HMCN1: variants seen among roughly 807,000 people sequenced by gnomAD.
HMCN1 encodes the protein hemicentin-1.
Under a neutral mutation model 625.9 loss-of-function variants are expected in HMCN1, and 321 were observed. The observed-to-expected ratio is 0.51, with a 90% CI of 0.47 to 0.56. The LOEUF is 0.56. Among genes scored for constraint, HMCN1 ranks in the 20% least tolerant of loss-of-function variants. The pLI is 0.00. For synonymous variants in HMCN1, 2,425 were observed against 2,417.6 expected (o/e 1.00, Z -0.09); for missense variants, 6,588 against 6,887.3 (o/e 0.96, Z 1.54).
In HMCN1 at chr1:186,167,047, C is replaced by T. The variant is rs1651925903; in HGVS notation, c.15574+105C>T. 4.2e-6 allele frequency: 6 copies of T among 1,418,554 alleles called. No individual in the cohort carries two copies. In the South Asian group the frequency reaches 7.0e-5, roughly 17 times the overall value. The allele number at this position is 1,418,554 out of a possible 1,614,324, so 87.9% of individuals were successfully genotyped here. ...TCTCAGAAACTCCACGAGGAAGGGA[C>T]CACATAAAAGGGAGAGAATGAGGAG... is the stretch of plus-strand genomic sequence containing the variant. On this transcript the variant is annotated intron_variant, in intron 100 of 106. Transcript: ENST00000271588.
chr1:186,059,489 G>T (rs1486546832), intron 46 of HMCN1, among the ~76,000 whole-genome samples: 1 of 151,988 alleles, frequency 6.6e-6, no homozygotes, highest in East Asian at 1.9e-4. Context: ...TGTTGTGCTT[G>T]ACTAGCAGCT....
chr1:185,820,819 G>A (rs78904263), intron 1 of HMCN1, among the ~76,000 whole-genome samples: 4,924 of 152,006 alleles, frequency 0.032, 238 homozygotes, highest in African/African-American at 0.11. Flanking sequence ...TCTGCAAAGC[G>A]CTTGCCATAA....
intron 2 of HMCN1, among the ~76,000 whole-genome samples, chr1:185,853,107 T>G (rs1454373953): frequency 6.6e-6 from 1 of 152,122 alleles, no homozygotes; most frequent in Admixed American, 6.6e-5. Context: ...AGTTAACATA[T>G]TTATTTATAT....
At chr1:186,037,749 T>A (rs553040447) in intron 36 of HMCN1, among the ~76,000 whole-genome samples, 185 bp from the exon 37 acceptor site, 4 of 152,196 alleles carry the variant, frequency 2.6e-5, no homozygotes, top group Non-Finnish European at 4.4e-5. Context: ...TCCAGAAAAC[T>A]TATTTACATT....
At chr1:186,013,701 AAAAT>A (rs1160573372) in intron 30 of HMCN1, among the ~76,000 whole-genome samples, 1 of 152,168 alleles carries the variant, frequency 6.6e-6, no homozygotes, top group Non-Finnish European at 1.5e-5. Flanking sequence ...AAAACAAAAC[AAAAT>A]AAAATAATAA....
intron 36 of HMCN1, among the ~76,000 whole-genome samples, chr1:186,026,130 A>G (rs946028221): frequency 6.6e-6 from 1 of 152,208 alleles, no homozygotes; most frequent in Non-Finnish European, 1.5e-5. Flanking sequence ...AAGTCTCCAA[A>G]CCTGACTCTG....
At position 185,847,699 on chromosome 1, in the gene HMCN1, C is replaced by T. The variant is rs1156408557; in HGVS notation, c.339+1603C>T. On this transcript the variant is annotated intron_variant, in intron 2 of 106. Coordinates refer to ENST00000271588, the MANE Select transcript of HMCN1 (RefSeq NM_031935.3). ...GCACAGTAGCTCACGCCTGTAATCCCAGTGCTGCTTTGGGAGGCAAAGGCA... is the reference window on the plus strand; with the variant it reads ...GCACAGTAGCTCACGCCTGTAATCCTAGTGCTGCTTTGGGAGGCAAAGGCA... Among the ~76,000 whole-genome samples, 3 of 152,094 alleles carry T rather than the reference C, an allele frequency of 2.0e-5. No individual in the cohort carries two copies. The East Asian group carries it at 5.8e-4, about 29-fold the overall frequency.
At chr1:186,007,413 G>A (rs952387684) in intron 30 of HMCN1, 131 bp downstream of exon 30, 1 of 796,144 alleles carries the variant, frequency 1.3e-6, no homozygotes, top group Non-Finnish European at 2.0e-6. Flanking sequence ...AGAAGAAGGA[G>A]CTTATCTTCA....
At chr1:186,038,805 C>T (rs760360984) in intron 37 of HMCN1, 24 bp from the exon 38 acceptor site, 1 of 1,507,596 alleles carries the variant, frequency 6.6e-7, no homozygotes, top group South Asian at 1.1e-5. Context: ...TTACATAGAT[C>T]ATCTTCTCCC....
At position 186,019,622 on chromosome 1, in the gene HMCN1, A is replaced by G. The variant is rs747967425; in HGVS notation, c.5552A>G (p.Asn1851Ser). ...YKPVALQCIA[N>S]GIPNPSITWL... Reference sequence around the variant, plus strand: ...CCTGTCGCCTTGCAGTGCATAGCCAATGGGATTCCAAATCCTTCCATTACA... The same window carrying G: ...CCTGTCGCCTTGCAGTGCATAGCCAGTGGGATTCCAAATCCTTCCATTACA... The change falls in exon 35 of 107, where the codon AAT becomes AGT. Residue 1851 changes from asparagine to serine, a missense_variant. Asn to Ser is a conservative substitution (Grantham distance 46). Coordinates refer to ENST00000271588, the MANE Select transcript of HMCN1 (RefSeq NM_031935.3). The G allele has an allele frequency of 3.7e-5, 59 of 1,611,436 alleles. No individual in the cohort carries two copies. The highest frequency in any genetic ancestry group is 6.7e-5 in the East Asian group (3 of 44,828).
At chr1:185,778,644 T>C (rs369067437) in intron 1 of HMCN1, among the ~76,000 whole-genome samples, 2 of 152,036 alleles carry the variant, frequency 1.3e-5, no homozygotes, top group South Asian at 2.1e-4. Flanking sequence ...TGGTTTCCAG[T>C]TTCATCCATG....
intron 103 of HMCN1, among the ~76,000 whole-genome samples, chr1:186,176,136 T>A (rs1652559500): frequency 6.6e-6 from 1 of 152,160 alleles, no homozygotes; most frequent in Admixed American, 6.6e-5. Context: ...TGTGTTGACC[T>A]AACAATAGAA....
chr1:185,756,441 G>A (rs1474426614), intron 1 of HMCN1, among the ~76,000 whole-genome samples: 1 of 150,210 alleles, frequency 6.7e-6, no homozygotes, highest in Non-Finnish European at 1.5e-5. Context: ...GGGATCTTGG[G>A]CAACTTGATA....
Position 186,041,083 on chromosome 1 carries a change from T to A in HMCN1, c.6251T>A (p.Val2084Glu), listed in dbSNP as rs750533990. 1.2e-6 allele frequency: 2 copies of A among 1,613,014 alleles called. No homozygotes were observed. The highest frequency in any genetic ancestry group is 1.7e-5 in the Admixed American group (1 of 59,970). The change falls in exon 40 of 107, where the codon GTG becomes GAG. Residue 2084 changes from valine to glutamate, a missense_variant. Around this residue, in one of 3 missense-constraint regions of HMCN1, gnomAD observed 4,628 missense variants for 4,853.1 expected, o/e 0.95. Transcript: ENST00000271588. ...AGCGACACAGGAAGGTACACCTGCG[T>A]GGCAGTGAATGCTGCTGGAGAAAAG... ...QISDTGRYTC[V>E]AVNAAGEKQR...
chr1:185,783,296 G>T (rs575783343), intron 1 of HMCN1, among the ~76,000 whole-genome samples: 1 of 152,052 alleles, frequency 6.6e-6, no homozygotes, highest in Non-Finnish European at 1.5e-5. Context: ...TTCAAAGTTC[G>T]TCCTTTAGCT....
chr1:185,745,733 C>G (rs1316573373), intron 1 of HMCN1, among the ~76,000 whole-genome samples: 1 of 151,958 alleles, frequency 6.6e-6, no homozygotes, highest in Non-Finnish European at 1.5e-5. Context: ...GGTGGCCTGT[C>G]TGTCTCCAGG....
In HMCN1 at chr1:186,137,515, C is replaced by T; in HGVS notation, c.13600C>T (p.Gln4534Ter). ...ATTTGCAGTTCATGGTGGATTTTCC[C>T]AGTGGTCTGCATGGAGAGCCTGCAG... ...VIVQVHGGFS[Q>*]WSAWRACSVT... The change falls in exon 88 of 107, where the codon CAG (glutamine) becomes TAG (stop). Residue 4534 changes from glutamine to a stop codon, truncating the protein, a stop_gained. Coordinates refer to ENST00000271588, the MANE Select transcript of HMCN1 (RefSeq NM_031935.3). LOFTEE classifies it high-confidence loss of function. The T allele has an allele frequency of 1.9e-6, 3 of 1,613,560 alleles. No homozygotes were observed. Among genetic ancestry groups the T allele is most frequent in the Non-Finnish European group, 2.5e-6 (3 of 1,179,832 alleles).
At chr1:186,138,532 A>G (rs530284705) in intron 89 of HMCN1, among the ~76,000 whole-genome samples, 4 of 152,316 alleles carry the variant, frequency 2.6e-5, no homozygotes, top group African/African-American at 9.6e-5. Flanking sequence ...ATTGAATCCA[A>G]GGATTTGGAC....
chr1:185,973,804 A>T (rs1186185394), intron 15 of HMCN1, among the ~76,000 whole-genome samples: 1 of 152,110 alleles, frequency 6.6e-6, no homozygotes, highest in South Asian at 2.1e-4. Context: ...TCAAACAAAA[A>T]GTTGGCTTGG....
Sources: gnomAD v4.1 joint callset for allele counts (sites outside exome capture counted in the v4.1 genomes callset) on GRCh38, gnomAD v4.1.1 for gene constraint, gnomAD v4.1.1 regional missense constraint, MANE v1.5 for transcripts, NCBI Gene and HGNC (gene_info 2026-07-23, HGNC 2026-07-21) for gene names.